RGS6: variants seen among roughly 807,000 people sequenced by gnomAD.
RGS6 encodes the protein regulator of G protein signaling 6.
A neutral mutation model predicts 78.5 loss-of-function variants in RGS6; 30 were observed. The observed-to-expected ratio is 0.38, with a 90% CI of 0.29 to 0.52. The LOEUF (loss-of-function observed/expected upper bound fraction) is 0.52, where lower values mean the gene tolerates loss of function less well. Among genes scored for constraint, RGS6 ranks in the 20% least tolerant of loss-of-function variants. The probability of loss-of-function intolerance (pLI) is 0.85; values close to 1 mark genes in which losing one functional copy is unlikely to be tolerated. For synonymous variants in RGS6, 206 were observed against 206.0 expected (o/e 1.00, Z 0.00); for missense variants, 495 against 609.7 (o/e 0.81, Z 1.98).
At chr14:72,222,923 C>A (rs148209130) in intron 2 of RGS6, among the ~76,000 whole-genome samples, 3 of 152,160 alleles carry the variant, frequency 2.0e-5, no homozygotes, top group African/African-American at 7.2e-5. Flanking sequence ...ATTTCCTGAG[C>A]AGTTTTATTT....
At chr14:72,276,300 C>A (rs979934107) in intron 2 of RGS6, among the ~76,000 whole-genome samples, 1 of 152,154 alleles carries the variant, frequency 6.6e-6, no homozygotes, top group Non-Finnish European at 1.5e-5. Flanking sequence ...GGGTCTACAG[C>A]ATGTATTCTC....
At chr14:72,344,768 G>C (rs900890995) in intron 2 of RGS6, among the ~76,000 whole-genome samples, 5 of 152,196 alleles carry the variant, frequency 3.3e-5, no homozygotes, top group African/African-American at 1.2e-4. Flanking sequence ...GCTTATAACA[G>C]GATAAGCACT....
chr14:72,324,916 T>A (rs1345291132), intron 2 of RGS6, among the ~76,000 whole-genome samples: 2 of 152,198 alleles, frequency 1.3e-5, no homozygotes, highest in African/African-American at 4.8e-5. Context: ...TTCTAGATCC[T>A]TGAGGAATTA....
At chr14:72,539,591 T>C (rs1015010514) in intron 16 of RGS6, among the ~76,000 whole-genome samples, 2 of 152,154 alleles carry the variant, frequency 1.3e-5, no homozygotes, top group Non-Finnish European at 1.5e-5. Flanking sequence ...CACACCCTGC[T>C]GGCTCTCAGA....
chr14:72,506,973 CCT>C (rs1389051858), intron 13 of RGS6, among the ~76,000 whole-genome samples: 1 of 110,910 alleles, frequency 9.0e-6, no homozygotes, highest in African/African-American at 3.4e-5. Context: ...ACGGTGAAAC[CCT>C]GTCTCTACTA....
In RGS6 at chr14:72,201,983, A is replaced by G. The variant is rs531985069; in HGVS notation, c.85-150112A>G. ...AAAAGTAAAAACAACATTATTCACC[A>G]CCTCTGACTGGCAAAATGACTTAAG... On this transcript the variant is annotated intron_variant, in intron 2 of 17. Transcript: ENST00000553525. 7.9e-5 allele frequency among the ~76,000 whole-genome samples: 12 copies of G among 152,248 alleles called. No individual in the cohort carries two copies. In the East Asian group the frequency reaches 2.3e-3, roughly 29 times the overall value.
At chr14:72,218,112 A>G (rs542817324) in intron 2 of RGS6, among the ~76,000 whole-genome samples, 3 of 152,290 alleles carry the variant, frequency 2.0e-5, no homozygotes, top group Admixed American at 6.5e-5. Flanking sequence ...CCATAGGTGA[A>G]CATTCAGGTT....
chr14:72,626,578 C>G, the RGS6 span, among the ~76,000 whole-genome samples: 1 of 152,128 alleles, frequency 6.6e-6, no homozygotes, highest in Non-Finnish European at 1.5e-5. Context: ...TCAACAACTA[C>G]TCTTCCATAT....
chr14:71,959,391 T>A (rs10146194), intron 1 of RGS6, among the ~76,000 whole-genome samples: 2,711 of 152,244 alleles, frequency 0.018, 81 homozygotes, highest in African/African-American at 0.06. Flanking sequence ...TGATATAATA[T>A]GGAGGAGAGG....
intron 2 of RGS6, among the ~76,000 whole-genome samples, chr14:72,224,838 T>G (rs2047728865): frequency 6.6e-6 from 1 of 151,978 alleles, no homozygotes; most frequent in Non-Finnish European, 1.5e-5. Context: ...CTTCACAAAG[T>G]CAAGTAGCTC....
chr14:72,278,495 G>A (rs377696340), intron 2 of RGS6, among the ~76,000 whole-genome samples: 116 of 152,318 alleles, frequency 7.6e-4, no homozygotes, highest in African/African-American at 2.7e-3. Flanking sequence ...ACACATGGCA[G>A]TTAAGGCAAA....
intron 13 of RGS6, among the ~76,000 whole-genome samples, chr14:72,499,457 CG>C (rs1389229195): frequency 2.0e-5 from 3 of 152,124 alleles, no homozygotes; most frequent in Non-Finnish European, 2.9e-5. Flanking sequence ...GCTCAGAGCT[CG>C]GGGTTTCCCA....
rs548288692 is a variant in RGS6, at chr14:72,325,584, T to A, written c.85-26511T>A. Among the ~76,000 whole-genome samples the A allele has an allele frequency of 5.6e-4, 86 of 152,316 alleles. No individual in the cohort carries two copies. In the South Asian group the frequency reaches 0.012, roughly 21 times the overall value. On this transcript the variant is annotated intron_variant, in intron 2 of 17. Transcript: ENST00000553525. ...GCTTTCTACATATGGCTAGCCAGTT[T>A]TCCCAGCACCATCTATTAAATAGAG...
At chr14:72,437,234 G>A (rs11623104) in intron 3 of RGS6, among the ~76,000 whole-genome samples, 12 of 147,380 alleles carry the variant, frequency 8.1e-5, no homozygotes, top group East Asian at 2.0e-4. Context: ...CCATCTACTC[G>A]GGAGGCTGAG....
At chr14:72,331,536 C>T (rs764821301) in intron 2 of RGS6, among the ~76,000 whole-genome samples, 5 of 152,150 alleles carry the variant, frequency 3.3e-5, no homozygotes, top group African/African-American at 4.8e-5. Flanking sequence ...TGGTGTCGGC[C>T]GGGAGCTGCC....
intron 13 of RGS6, 100 bp from the exon 14 acceptor site, chr14:72,510,054 G>A (rs2096859650): frequency 7.5e-7 from 1 of 1,341,002 alleles, no homozygotes; most frequent in Non-Finnish European, 1.0e-6. Flanking sequence ...GTTTCCCTTT[G>A]GTGAGTGACT....
At chr14:72,471,394 T>C (rs1173924130) in intron 8 of RGS6, among the ~76,000 whole-genome samples, 2 of 152,210 alleles carry the variant, frequency 1.3e-5, no homozygotes, top group Admixed American at 6.5e-5. Context: ...ATGTCTAGGT[T>C]AGCCAGGATG....
chr14:72,394,978 A>G (rs1402031504), intron 3 of RGS6, among the ~76,000 whole-genome samples: 1 of 152,074 alleles, frequency 6.6e-6, no homozygotes, highest in East Asian at 1.9e-4. Context: ...ATGTTCTGCC[A>G]TGGCTTCAAC....
chr14:72,196,127 A>G (rs1207829437), intron 2 of RGS6, among the ~76,000 whole-genome samples: 1 of 152,140 alleles, frequency 6.6e-6, no homozygotes, highest in Non-Finnish European at 1.5e-5. Context: ...AGAATTCGAA[A>G]GCAGAGATGC....
Sources: gnomAD v4.1 joint callset for allele counts (sites outside exome capture counted in the v4.1 genomes callset) on GRCh38, gnomAD v4.1.1 for gene constraint, MANE v1.5 for transcripts, NCBI Gene and HGNC (gene_info 2026-07-23, HGNC 2026-07-21) for gene names.